Variants in OXR1 observed in about 807,000 individuals in gnomAD.
OXR1 encodes the protein oxidation resistance protein 1.
Under a neutral mutation model 104.6 loss-of-function variants are expected in OXR1, and 41 were observed. That is an observed-to-expected ratio of 0.39 (90% CI 0.31 to 0.51). The LOEUF (loss-of-function observed/expected upper bound fraction) is 0.51, where lower values mean the gene tolerates loss of function less well. OXR1 is among the 20% of genes least tolerant of loss of function. The pLI, the probability that OXR1 is intolerant of heterozygous loss-of-function variation, is 0.77. For synonymous variants in OXR1, 348 were observed against 348.4 expected, an observed-to-expected ratio of 1.00 and a Z score of 0.01; for missense variants, 955 against 1,031.9, an observed-to-expected ratio of 0.93 and a Z score of 1.02.
chr8:106,407,226 T>C (rs1818279338), intron 2 of OXR1, among the ~76,000 whole-genome samples: 2 of 152,202 alleles, frequency 1.3e-5, no homozygotes, highest in African/African-American at 4.8e-5. Flanking sequence ...AAGATTTAAA[T>C]CTTTGAAACT....
intron 3 of OXR1, among the ~76,000 whole-genome samples, chr8:106,672,532 G>C (rs150909498): frequency 1.5e-5 from 2 of 129,170 alleles, no homozygotes; most frequent in Non-Finnish European, 3.4e-5. Context: ...GAGAGAGAGA[G>C]AAAAGAAAAA....
At position 106,630,119 on chromosome 8, in the gene OXR1, GATAT is replaced by G. The variant is rs145022067; in HGVS notation, c.221-49089_221-49086del. ...AGATTGTGGCTTAGCTTTCTCTGTA[GATAT>G]AAAAGGCAAATAAAGCCTGGGTTTG... On this transcript the variant is annotated intron_variant, in intron 3 of 16. Transcript: ENST00000517566. Among the ~76,000 whole-genome samples the G allele has an allele frequency of 3.4e-3, 515 of 152,240 alleles. 1 individual carries two copies. Among genetic ancestry groups the G allele is most frequent in the Non-Finnish European group, 5.3e-3 (361 of 68,000 alleles).
At chr8:106,564,759 G>A (rs1003440166) in intron 3 of OXR1, among the ~76,000 whole-genome samples, 6 of 152,126 alleles carry the variant, frequency 3.9e-5, no homozygotes, top group Non-Finnish European at 5.9e-5. Context: ...ACTGAATCCA[G>A]CAGCCATTAA....
intron 2 of OXR1, among the ~76,000 whole-genome samples, chr8:106,517,507 C>A (rs116441216): frequency 6.6e-6 from 1 of 152,044 alleles, no homozygotes; most frequent in African/African-American, 2.4e-5. Flanking sequence ...AAAATACATG[C>A]CTTGAACTTC....
intron 1 of OXR1, among the ~76,000 whole-genome samples, chr8:106,303,234 AT>A (rs1253984353): frequency 1.5e-5 from 2 of 136,588 alleles, no homozygotes; most frequent in African/African-American, 2.7e-5. Flanking sequence ...GAACTTGGCA[AT>A]TTTTTTTTCT....
At chr8:106,379,126 C>G (rs1358705434) in intron 2 of OXR1, among the ~76,000 whole-genome samples, 1 of 152,192 alleles carries the variant, frequency 6.6e-6, no homozygotes, top group Non-Finnish European at 1.5e-5. Context: ...GAATCAGCAT[C>G]ACCTGGAAAC....
At chr8:106,344,702 G>C (rs574895890) in intron 1 of OXR1, among the ~76,000 whole-genome samples, 1 of 152,320 alleles carries the variant, frequency 6.6e-6, no homozygotes, top group African/African-American at 2.4e-5. Context: ...TCTCCCAGTA[G>C]AAGCAGTGGA....
At chr8:106,604,449 A>G (rs1320105142) in intron 3 of OXR1, among the ~76,000 whole-genome samples, 1 of 152,148 alleles carries the variant, frequency 6.6e-6, no homozygotes, top group Non-Finnish European at 1.5e-5. Context: ...AGCCACCCGT[A>G]TACAGTATTA....
At chr8:106,707,354 A>G (rs550608646) in intron 9 of OXR1, 1 of 650,658 alleles carries the variant, frequency 1.5e-6, no homozygotes, top group South Asian at 1.7e-5. Flanking sequence ...CATAATGAGC[A>G]TCATTGCTAC....
At chr8:106,568,844 T>C (rs576696738) in intron 3 of OXR1, among the ~76,000 whole-genome samples, 79 of 152,236 alleles carry the variant, frequency 5.2e-4, no homozygotes, top group Admixed American at 9.8e-4. Context: ...AAACACACCG[T>C]CCAGGGAGAG....
At chr8:106,556,732 G>A (rs554716449) in intron 3 of OXR1, among the ~76,000 whole-genome samples, 59 of 152,180 alleles carry the variant, frequency 3.9e-4, no homozygotes, top group Non-Finnish European at 7.5e-4. Flanking sequence ...CCCTTGTTAT[G>A]CAAGATGACC....
intron 2 of OXR1, among the ~76,000 whole-genome samples, chr8:106,375,617 A>T (rs1043531722): frequency 6.6e-6 from 1 of 152,102 alleles, no homozygotes; most frequent in African/African-American, 2.4e-5. Flanking sequence ...TAGGAAAGGG[A>T]TGGGGTCATG....
chr8:106,726,071 A>G (rs1833309240), intron 11 of OXR1: 1 of 948,630 alleles, frequency 1.1e-6, no homozygotes, highest in Admixed American at 3.5e-5. Flanking sequence ...ATTGCTATGG[A>G]TACTACTTAG....
intron 11 of OXR1, among the ~76,000 whole-genome samples, chr8:106,724,260 G>A (rs919740183): frequency 2.6e-5 from 4 of 152,158 alleles, no homozygotes; most frequent in African/African-American, 9.7e-5. Context: ...TTGTAAACTG[G>A]TAGTGTTTTC....
chr8:106,700,990 A>G (rs1261327207), intron 7 of OXR1, among the ~76,000 whole-genome samples: 1 of 152,098 alleles, frequency 6.6e-6, no homozygotes, highest in South Asian at 2.1e-4. Flanking sequence ...TTTAATATCA[A>G]ATATACTCTA....
At chr8:106,742,610 A>C in intron 15 of OXR1, 1 of 192,490 alleles carries the variant, frequency 5.2e-6, no homozygotes, top group Non-Finnish European at 1.0e-5. Flanking sequence ...ACATAGACCA[A>C]TGGAACAGAA....
chr8:106,316,719 T>C (rs1459527547), intron 1 of OXR1, among the ~76,000 whole-genome samples: 1 of 10,820 alleles, frequency 9.2e-5, no homozygotes, highest in Admixed American at 8.9e-4. Flanking sequence ...CTATCTATCA[T>C]CTATCTATCT....
chr8:106,419,691 C>G (rs975145687), intron 2 of OXR1, among the ~76,000 whole-genome samples: 4 of 152,100 alleles, frequency 2.6e-5, no homozygotes, highest in African/African-American at 9.7e-5. Flanking sequence ...CTCCCTGGTT[C>G]TTTGTTTCTT....
chr8:106,412,363 C>T (rs1449278776), intron 2 of OXR1, among the ~76,000 whole-genome samples: 3 of 152,114 alleles, frequency 2.0e-5, no homozygotes, highest in Non-Finnish European at 1.5e-5. Flanking sequence ...GGCCTGAAAG[C>T]CCATCTCTCA....
Sources: allele counts gnomAD v4.1 joint callset (sites outside exome capture counted in the v4.1 genomes callset), GRCh38; gene constraint gnomAD v4.1.1; transcripts MANE v1.5; gene names NCBI Gene and HGNC (gene_info 2026-07-23, HGNC 2026-07-21).